The following SLC38A10 variants were observed in gnomAD, a reference collection of about 807,000 sequenced individuals.
SLC38A10 encodes the protein Sodium-coupled neutral amino acid transporter 10.
A neutral mutation model predicts 81.0 loss-of-function variants in SLC38A10; 53 were observed. The ratio of observed to expected loss-of-function variants is 0.65; its 90% CI spans 0.53 to 0.82. The LOEUF (loss-of-function observed/expected upper bound fraction) is 0.82. Ranked by LOEUF, SLC38A10 falls within the 40% of genes least tolerant of loss-of-function variation. The pLI is 0.00. For missense variants in SLC38A10, 1,471 were observed against 1,545.0 expected (o/e 0.95, Z 0.80); for synonymous variants, 665 against 655.3 (o/e 1.01, Z -0.23).
intron 14 of SLC38A10, among the ~76,000 whole-genome samples, chr17:81,249,241 A>C (rs2146880266): frequency 1.9e-5 from 1 of 52,834 alleles, no homozygotes. Flanking sequence ...AGGAGGGAGA[A>C]GGAAGGTGGG....
intron 2 of SLC38A10, among the ~76,000 whole-genome samples, chr17:81,287,983 C>T (rs888889137): frequency 2.0e-5 from 3 of 152,228 alleles, no homozygotes; most frequent in Non-Finnish European, 2.9e-5. Context: ...TCCTGGCATC[C>T]GGTAGGCATC....
At chr17:81,256,174 C>A (rs191368754) in intron 11 of SLC38A10, among the ~76,000 whole-genome samples, 1 of 152,258 alleles carries the variant, frequency 6.6e-6, no homozygotes, top group Non-Finnish European at 1.5e-5. Context: ...TCAGCCACGG[C>A]GGAGGCGGAT....
In SLC38A10 at chr17:81,283,107, C is replaced by T. The variant is rs970637264; in HGVS notation, c.357+302G>A. ...TGCCTGAGGGCCTGGCCGCCTCTGC[C>T]CTCCAATGGGCAGCCCGGGCTGGCA... On this transcript the variant is annotated intron_variant, in intron 4 of 15. Coordinates refer to ENST00000374759, the MANE Select transcript of SLC38A10 (RefSeq NM_001037984.3). This position sits in a 1 kb window ranked among gnomAD's most constrained non-coding sequence, Gnocchi z 4.7. Among the ~76,000 whole-genome samples the T allele has an allele frequency of 2.6e-5, 4 of 152,172 alleles. No homozygotes were observed. The highest frequency in any genetic ancestry group is 2.1e-4 in the South Asian group (1 of 4,838).
rs1198601509 is a variant in SLC38A10 at position 81,270,582 on chromosome 17, G to A, written c.1131+336C>T. 1.3e-5 allele frequency among the ~76,000 whole-genome samples: 2 copies of A among 152,268 alleles called. No homozygotes were observed. Among genetic ancestry groups the A allele is most frequent in the Admixed American group, 6.5e-5 (1 of 15,300 alleles). ...GTGGGTGGTGGCCTCAGGGGTGGGC[G>A]GCTGGGGAGGGGACTCAGAGGTGGC... On this transcript the variant is annotated intron_variant, in intron 10 of 15. Transcript: ENST00000374759. This position sits in a 1 kb window ranked among gnomAD's most constrained non-coding sequence, Gnocchi z 4.0.
At chr17:81,278,772 T>G (rs977017614) in intron 6 of SLC38A10, among the ~76,000 whole-genome samples, 30 of 152,158 alleles carry the variant, frequency 2.0e-4, no homozygotes, top group African/African-American at 7.2e-4. Context: ...TGGTGCCCCA[T>G]GACACGTGCT....
chr17:81,266,682 C>T (rs550583733), intron 10 of SLC38A10, among the ~76,000 whole-genome samples: 37 of 151,958 alleles, frequency 2.4e-4, no homozygotes, highest in African/African-American at 8.4e-4. Context: ...CCCAGGATAG[C>T]ATGCAGTGCA....
intron 8 of SLC38A10, among the ~76,000 whole-genome samples, chr17:81,273,723 C>T (rs1000666114): frequency 3.9e-5 from 6 of 152,112 alleles, no homozygotes; most frequent in African/African-American, 1.4e-4. Flanking sequence ...ATGACATAGA[C>T]CCAGAGAAGG....
chr17:81,246,766 A>T, intron 15 of SLC38A10, 93 bp from the exon 16 acceptor site: 1 of 1,498,720 alleles, frequency 6.7e-7, no homozygotes. Flanking sequence ...CAGCATTGGG[A>T]ACCAAAACCA....
chr17:81,274,965 G>A (rs553919551), intron 8 of SLC38A10, among the ~76,000 whole-genome samples: 1 of 152,332 alleles, frequency 6.6e-6, no homozygotes, highest in South Asian at 2.1e-4. Context: ...GGAGTATGGT[G>A]GAGCGGTCAT....
chr17:81,289,776 G>T lies in SLC38A10; in HGVS notation c.132C>A (p.Val44=). 6.2e-7 allele frequency: 1 copy of T among 1,608,758 alleles called. No homozygotes were observed. The highest frequency in any genetic ancestry group is 1.1e-5 in the South Asian group (1 of 90,152). The change falls in exon 2 of 16, where the codon GTC becomes GTA. Residue 44 remains valine (V), a synonymous_variant. Coordinates refer to ENST00000374759, the MANE Select transcript of SLC38A10 (RefSeq NM_001037984.3). This position sits in a 1 kb window ranked among gnomAD's most constrained non-coding sequence, Gnocchi z 5.9. ...CGIVLGALLL[V]FCSWMTHQSC... ...ACTGGTGCGTCATCCATGAGCAGAA[G>T]ACCAAGAGCAGCGCCCCCAGGACGA...
chr17:81,281,612 T>C lies in SLC38A10; in HGVS notation c.501+577A>G, dbSNP rs371161761. On this transcript the variant is annotated intron_variant, in intron 5 of 15. Coordinates refer to ENST00000374759, the MANE Select transcript of SLC38A10 (RefSeq NM_001037984.3). This position sits in a 1 kb window ranked among gnomAD's most constrained non-coding sequence, Gnocchi z 5.3. ...CAAGATGGTGAAACCCCTTCTCTAC[T>C]AAAAATAAAAAAAATTAGCCAGGTG... 9.2e-5 allele frequency among the ~76,000 whole-genome samples: 14 copies of C among 151,866 alleles called. No individual in the cohort carries two copies. In the South Asian group the frequency reaches 1.7e-3, roughly 18 times the overall value.
At chr17:81,247,854 A>G (rs1252509606) in intron 14 of SLC38A10, among the ~76,000 whole-genome samples, 3 of 152,028 alleles carry the variant, frequency 2.0e-5, no homozygotes, top group Non-Finnish European at 4.4e-5. Flanking sequence ...AAAGAAAAAA[A>G]GAAAAGAAAA....
chr17:81,287,956 C>T lies in SLC38A10; in HGVS notation c.217+1735G>A, dbSNP rs1432487075. 7.2e-5 allele frequency among the ~76,000 whole-genome samples: 11 copies of T among 152,334 alleles called. No homozygotes were observed. In the East Asian group the frequency reaches 1.9e-3, roughly 27 times the overall value. ...AGCTCTGCAGACCCAGGAAGGGGCC[C>T]GCCCAGGCACGGTGCCTCCTGGCAT... On this transcript the variant is annotated intron_variant, in intron 2 of 15. Transcript: ENST00000374759.
intron 5 of SLC38A10, 39 bp from the exon 6 acceptor site, chr17:81,280,772 G>A: frequency 6.3e-7 from 1 of 1,578,322 alleles, no homozygotes; most frequent in Non-Finnish European, 8.6e-7. Context: ...GGCAGGTCAG[G>A]ACGCAGGCGG....
chr17:81,278,669 G>A (rs772447028), intron 6 of SLC38A10, among the ~76,000 whole-genome samples: 4 of 152,188 alleles, frequency 2.6e-5, no homozygotes, highest in Non-Finnish European at 4.4e-5. Context: ...TACAGAAGAA[G>A]GCCATGTTGC....
rs1363842000 is a variant in SLC38A10, at chr17:81,281,083, G to A, written c.502-350C>T. Among the ~76,000 whole-genome samples, 7 of 152,202 alleles carry A rather than the reference G, an allele frequency of 4.6e-5. No homozygotes were observed. Among genetic ancestry groups the A allele is most frequent in the Admixed American group, 1.3e-4 (2 of 15,288 alleles). Reference sequence around the variant, plus strand: ...GGTTACAGAGGCTGGTTTCCCACGTGGGCAGGTCCCTCCCCATCTTGTACT... The same window carrying A: ...GGTTACAGAGGCTGGTTTCCCACGTAGGCAGGTCCCTCCCCATCTTGTACT... On this transcript the variant is annotated intron_variant, in intron 5 of 15. Transcript: ENST00000374759. The surrounding 1 kb of genome is among the most constrained non-coding windows in gnomAD (Gnocchi z 5.3).
intron 8 of SLC38A10, among the ~76,000 whole-genome samples, chr17:81,273,021 C>G (rs2146929275): frequency 6.6e-6 from 1 of 152,360 alleles, no homozygotes; most frequent in Middle Eastern, 3.4e-3. Context: ...CCCCAGGACT[C>G]TCCTGGCCCA....
chr17:81,277,314 G>T lies in SLC38A10; in HGVS notation c.627-181C>A, dbSNP rs766068885. On this transcript the variant is annotated intron_variant, in intron 6 of 15. Transcript: ENST00000374759. This position sits in a 1 kb window ranked among gnomAD's most constrained non-coding sequence, Gnocchi z 4.5. ...ACTTGGTGTTGCTGAGGACAGGAGC[G>T]TTGCAGCAGCCCCCACTCAGGACAC... is the stretch of plus-strand genomic sequence containing the variant. 6.6e-6 allele frequency among the ~76,000 whole-genome samples: 1 copy of T among 152,178 alleles called. No individual in the cohort carries two copies. Among genetic ancestry groups the T allele is most frequent in the Non-Finnish European group, 1.5e-5 (1 of 68,032 alleles).
chr17:81,290,964 G>A (rs1315334391), intron 1 of SLC38A10, among the ~76,000 whole-genome samples: 5 of 151,924 alleles, frequency 3.3e-5, no homozygotes, highest in Non-Finnish European at 7.4e-5. Flanking sequence ...CCGAGATTGC[G>A]CCACTGCACT....
Sources: gnomAD v4.1 joint callset for allele counts (sites outside exome capture counted in the v4.1 genomes callset) on GRCh38, gnomAD v4.1.1 for gene constraint, Gnocchi (gnomAD v3.1) non-coding constraint, MANE v1.5 for transcripts, NCBI Gene and HGNC (gene_info 2026-07-23, HGNC 2026-07-21) for gene names.